DHRS4L2: variants seen among roughly 807,000 people sequenced by gnomAD.
The protein encoded by DHRS4L2 is dehydrogenase/reductase SDR family member 4-like 2.
In DHRS4L2, 22 loss-of-function variants were observed where a neutral mutation model predicts 23.9. The ratio of observed to expected loss-of-function variants is 0.92; its 90% CI spans 0.66 to 1.31. The LOEUF (loss-of-function observed/expected upper bound fraction) is 1.31, where lower values mean the gene tolerates loss of function less well. DHRS4L2 is among the 40% of genes most tolerant of loss of function. The probability of loss-of-function intolerance (pLI) is 0.00; values close to 1 mark genes in which losing one functional copy is unlikely to be tolerated. For synonymous variants in DHRS4L2, 141 were observed against 123.7 expected (o/e 1.14, Z -0.93); for missense variants, 385 against 303.3 (o/e 1.27, Z -2.00).
intron 4 of DHRS4L2, 26 bp from the exon 5 acceptor site, chr14:24,001,007 G>A: frequency 6.2e-7 from 1 of 1,611,586 alleles, no homozygotes; most frequent in Non-Finnish European, 8.5e-7. Context: ...ACACTGGGAA[G>A]ACGGTCAGCT....
At chr14:23,991,457 T>C (rs1313820457) in intron 2 of DHRS4L2, among the ~76,000 whole-genome samples, 1 of 151,612 alleles carries the variant, frequency 6.6e-6, no homozygotes, top group African/African-American at 2.4e-5. Flanking sequence ...AATGTGAAAA[T>C]CCTCCTAGAA....
At chr14:23,994,454 A>G (rs550135119) in intron 2 of DHRS4L2, among the ~76,000 whole-genome samples, 16 of 151,836 alleles carry the variant, frequency 1.1e-4, no homozygotes, top group East Asian at 3.9e-4. Flanking sequence ...TTAGGATACC[A>G]AGGCAGGTGG....
chr14:23,994,126 T>G (rs1184991918), intron 2 of DHRS4L2, among the ~76,000 whole-genome samples: 1 of 151,794 alleles, frequency 6.6e-6, no homozygotes, highest in Non-Finnish European at 1.5e-5. Flanking sequence ...CAGGGTAACT[T>G]TCTTCAGCTC....
chr14:24,004,241 C>T lies in DHRS4L2; in HGVS notation c.666-96C>T, dbSNP rs1393116694. The T allele has an allele frequency of 2.8e-6, 4 of 1,445,844 alleles. No individual in the cohort carries two copies. In the East Asian group the frequency reaches 7.6e-5, roughly 27 times the overall value. 89.6% of individuals were successfully genotyped at this position (1,445,844 alleles called of 1,614,324 possible). On this transcript the variant is annotated intron_variant, in intron 6 of 7. Transcript: ENST00000335125. ...CCAAGATAGCGCCACTACAGTCCGG[C>T]CTGGGCAAAAGAGCAAGACTCCGTC... is the stretch of plus-strand genomic sequence containing the variant.
intron 2 of DHRS4L2, among the ~76,000 whole-genome samples, chr14:23,994,756 A>C (rs968273256): frequency 6.6e-6 from 1 of 151,754 alleles, no homozygotes; most frequent in East Asian, 1.9e-4. Context: ...AAGATGTTTT[A>C]AGAAATAGAA....
chr14:23,972,936 T>C (rs1176583705), intron 1 of DHRS4L2, among the ~76,000 whole-genome samples: 2 of 151,852 alleles, frequency 1.3e-5, no homozygotes, highest in African/African-American at 4.8e-5. Context: ...AACATGTCGG[T>C]GGAGTAAAGA....
At chr14:23,984,407 A>G (rs2034104333), upstream of DHRS4L2, among the ~76,000 whole-genome samples, 1 of 151,730 alleles carries the variant, frequency 6.6e-6, no homozygotes, top group Non-Finnish European at 1.5e-5. Flanking sequence ...TATGAAAAGT[A>G]TCAATCCCCC....
At chr14:23,982,179 G>A (rs578226054) in intron 1 of DHRS4L2, among the ~76,000 whole-genome samples, 1 of 151,666 alleles carries the variant, frequency 6.6e-6, no homozygotes, top group Non-Finnish European at 1.5e-5. Context: ...GCAGGGCAGA[G>A]GTCCCTGCGG....
chr14:23,986,814 C>CG (rs773624226), upstream of DHRS4L2, among the ~76,000 whole-genome samples: 161 of 151,562 alleles, frequency 1.1e-3, 5 homozygotes, highest in Non-Finnish European at 1.8e-3. Context: ...TCCCCCCAGC[C>CG]CCACACAGAT....
At chr14:24,000,400 C>A in intron 3 of DHRS4L2, among the ~76,000 whole-genome samples, 1 of 150,948 alleles carries the variant, frequency 6.6e-6, no homozygotes. Flanking sequence ...CCTAGAGGGC[C>A]AAGAACATCT....
chr14:24,001,908 A>G (rs2034496434), intron 6 of DHRS4L2, among the ~76,000 whole-genome samples: 3 of 84,070 alleles, frequency 3.6e-5, no homozygotes, highest in South Asian at 4.7e-4. Context: ...CCTCTCAGTT[A>G]CCATGAGGAT....
At chr14:23,986,671 C>T (rs2034149109), upstream of DHRS4L2, among the ~76,000 whole-genome samples, 1 of 151,524 alleles carries the variant, frequency 6.6e-6, no homozygotes, top group Non-Finnish European at 1.5e-5. Flanking sequence ...TCCTCACTTT[C>T]CTGGAACCCT....
At chr14:23,981,299 A>C (rs773722103) in intron 1 of DHRS4L2, among the ~76,000 whole-genome samples, 21 of 151,716 alleles carry the variant, frequency 1.4e-4, no homozygotes, top group Non-Finnish European at 2.6e-4. Flanking sequence ...CAAGGAAATA[A>C]GTGAGGACAC....
At chr14:23,989,264 C>CG (rs1566493772) in intron 1 of DHRS4L2, among the ~76,000 whole-genome samples, 189 bp downstream of exon 1, 3 of 151,632 alleles carry the variant, frequency 2.0e-5, no homozygotes, top group Non-Finnish European at 4.4e-5. Flanking sequence ...GCCAGCCCTT[C>CG]TGTCCCTGCT....
chr14:23,998,061 T>C (rs1481663231), intron 3 of DHRS4L2, among the ~76,000 whole-genome samples: 1 of 151,930 alleles, frequency 6.6e-6, no homozygotes, highest in Non-Finnish European at 1.5e-5. Flanking sequence ...GAAAACAACA[T>C]TAATCTCCTT....
intron 1 of DHRS4L2, among the ~76,000 whole-genome samples, chr14:23,975,299 G>A (rs1236848759): frequency 6.6e-6 from 1 of 151,590 alleles, no homozygotes; most frequent in African/African-American, 2.4e-5. Context: ...AATAGACAGA[G>A]AGCCAAATCA....
chr14:23,971,566 G>C (rs998102178), intron 1 of DHRS4L2, among the ~76,000 whole-genome samples: 11 of 151,932 alleles, frequency 7.2e-5, no homozygotes, highest in African/African-American at 2.4e-4. Context: ...CAAGGTTAAG[G>C]GCAGCCAGAG....
chr14:23,976,645 A>G (rs1420277482), intron 1 of DHRS4L2, among the ~76,000 whole-genome samples: 1 of 151,872 alleles, frequency 6.6e-6, no homozygotes, highest in Non-Finnish European at 1.5e-5. Flanking sequence ...CTATAAAGAC[A>G]CATACACACA....
intron 3 of DHRS4L2, among the ~76,000 whole-genome samples, chr14:23,996,785 C>T (rs1338182823): frequency 6.6e-6 from 1 of 151,516 alleles, no homozygotes; most frequent in African/African-American, 2.4e-5. Flanking sequence ...GGACTACAGG[C>T]ATGTGCCATC....
Sources: allele counts gnomAD v4.1 joint callset (sites outside exome capture counted in the v4.1 genomes callset), GRCh38; gene constraint gnomAD v4.1.1; transcripts MANE v1.5; gene names NCBI Gene and HGNC (gene_info 2026-07-23, HGNC 2026-07-21).